MAP4K4: variants seen among roughly 807,000 people sequenced by gnomAD.
MAP4K4 encodes HPK/GCK-like kinase HGK.
In MAP4K4, 38 loss-of-function variants were observed where a neutral mutation model predicts 189.6. The observed-to-expected ratio is 0.20, with a 90% CI of 0.15 to 0.26. The LOEUF is 0.26. MAP4K4 is among the 10% of genes least tolerant of loss of function. The pLI, the probability that MAP4K4 is intolerant of heterozygous loss-of-function variation, is 1.00. For synonymous variants in MAP4K4, 610 were observed against 624.3 expected (o/e 0.98, Z 0.34); for missense variants, 1,054 against 1,726.9 (o/e 0.61, Z 6.91).
intron 2 of MAP4K4, among the ~76,000 whole-genome samples, chr2:101,699,276 A>G (rs1279542091): frequency 1.3e-5 from 2 of 152,076 alleles, no homozygotes; most frequent in African/African-American, 4.8e-5. Flanking sequence ...CCCACCCTCC[A>G]CCCCAGCGAT....
intron 6 of MAP4K4, chr2:101,829,861 C>A: frequency 3.2e-6 from 1 of 315,076 alleles, no homozygotes; most frequent in South Asian, 5.2e-5. Context: ...CTTAAAGAAC[C>A]TTAATGGCTT....
At chr2:101,836,048 C>A (rs2149480758) in intron 9 of MAP4K4, 70 bp downstream of exon 9, 3 of 1,184,814 alleles carry the variant, frequency 2.5e-6, no homozygotes, top group Non-Finnish European at 3.7e-6. Context: ...GTTATACTTT[C>A]CTCTGAGATA....
At chr2:101,721,024 T>C (rs1353320080) in intron 2 of MAP4K4, among the ~76,000 whole-genome samples, 1 of 152,216 alleles carries the variant, frequency 6.6e-6, no homozygotes, top group East Asian at 1.9e-4. Flanking sequence ...CATTTAGCGC[T>C]ACTCATAGGA....
At chr2:101,876,164 T>G (rs1474478368) in intron 26 of MAP4K4, among the ~76,000 whole-genome samples, 1 of 152,164 alleles carries the variant, frequency 6.6e-6, no homozygotes, top group African/African-American at 2.4e-5. Context: ...GAGGCTAGTT[T>G]CAGTAGAGAT....
intron 28 of MAP4K4, among the ~76,000 whole-genome samples, chr2:101,884,065 C>G (rs1208890010): frequency 6.6e-6 from 1 of 152,126 alleles, no homozygotes; most frequent in African/African-American, 2.4e-5. Context: ...GGTTAAAAGT[C>G]TGTTGGGCTT....
intron 2 of MAP4K4, among the ~76,000 whole-genome samples, chr2:101,773,744 C>A (rs979412651): frequency 1.3e-5 from 2 of 152,164 alleles, no homozygotes; most frequent in Non-Finnish European, 2.9e-5. Context: ...ACCACACTTA[C>A]CTTCCCAGCC....
At chr2:101,737,491 G>A (rs1424345044) in intron 2 of MAP4K4, among the ~76,000 whole-genome samples, 84 of 51,026 alleles carry the variant, frequency 1.6e-3, no homozygotes, top group African/African-American at 6.2e-3. Flanking sequence ...TTTTTTTGCT[G>A]TTAGTCATTG....
At chr2:101,718,444 G>A (rs2149402156) in intron 2 of MAP4K4, among the ~76,000 whole-genome samples, 1 of 138,564 alleles carries the variant, frequency 7.2e-6, no homozygotes, top group South Asian at 2.4e-4. Flanking sequence ...TCTAAGTTTA[G>A]CTCTTAACCT....
At chr2:101,873,487 G>A (rs1021084581) in intron 24 of MAP4K4, among the ~76,000 whole-genome samples, 160 bp from the exon 25 acceptor site, 1 of 152,174 alleles carries the variant, frequency 6.6e-6, no homozygotes, top group African/African-American at 2.4e-5. Flanking sequence ...GCTATGCCAC[G>A]TGGAAGCTCC....
intron 3 of MAP4K4, among the ~76,000 whole-genome samples, chr2:101,814,555 T>C (rs764350407): frequency 1.3e-5 from 2 of 152,184 alleles, no homozygotes; most frequent in Non-Finnish European, 2.9e-5. Context: ...AGAGAATTAT[T>C]TGAAAGTAAC....
intron 3 of MAP4K4, among the ~76,000 whole-genome samples, chr2:101,821,307 C>T (rs1461564649): frequency 1.3e-5 from 2 of 152,108 alleles, no homozygotes; most frequent in African/African-American, 4.8e-5. Context: ...ATCACTTAAC[C>T]ATGAGGATAC....
intron 12 of MAP4K4, among the ~76,000 whole-genome samples, chr2:101,851,854 G>A (rs1463071831): frequency 1.4e-5 from 2 of 142,700 alleles, no homozygotes; most frequent in South Asian, 2.3e-4. Context: ...TGTCTTCTAC[G>A]TTTTTTTAAA....
intron 2 of MAP4K4, among the ~76,000 whole-genome samples, chr2:101,788,220 G>A (rs2092050305): frequency 6.6e-6 from 1 of 151,906 alleles, no homozygotes; most frequent in South Asian, 2.1e-4. Flanking sequence ...TGAGACAATT[G>A]CAGTCTACAA....
At chr2:101,710,770 T>C (rs887958779) in intron 2 of MAP4K4, among the ~76,000 whole-genome samples, 2 of 152,192 alleles carry the variant, frequency 1.3e-5, no homozygotes, top group Non-Finnish European at 2.9e-5. Context: ...AGATGAGGCA[T>C]AGATATATGT....
intron 1 of MAP4K4, 150 bp downstream of exon 1, chr2:101,698,287 G>A: frequency 1.8e-6 from 1 of 546,788 alleles, no homozygotes; most frequent in Non-Finnish European, 2.9e-6. Flanking sequence ...GGGCTGGTGC[G>A]GGGCGGGCGC....
rs922500022 is a variant in MAP4K4 at position 101,698,683 on chromosome 2, C to T, written c.123+145C>T. Reference sequence around the variant, plus strand: ...AGGGGTTTCTTTCGCCTTGCAGTCCCTCTGTTTTTGCACACCGAGTTTATA... The same window carrying T: ...AGGGGTTTCTTTCGCCTTGCAGTCCTTCTGTTTTTGCACACCGAGTTTATA... On this transcript the variant is annotated intron_variant, in intron 2 of 32. Coordinates refer to ENST00000324219, the Ensembl canonical transcript of MAP4K4. 10 of 732,396 alleles carry T rather than the reference C, an allele frequency of 1.4e-5. No homozygotes were observed. In the Admixed American group the frequency reaches 1.8e-4, roughly 13 times the overall value. 45.4% of individuals were successfully genotyped at this position (732,396 alleles called of 1,614,324 possible). A position where few individuals can be genotyped will look rare whatever the true frequency, so the allele number is the denominator to read the frequency against.
chr2:101,795,192 A>G (rs951354352), intron 3 of MAP4K4, among the ~76,000 whole-genome samples: 2 of 152,150 alleles, frequency 1.3e-5, no homozygotes, highest in African/African-American at 2.4e-5. Flanking sequence ...TTCCTAAGTA[A>G]TCTATCTCCA....
intron 27 of MAP4K4, among the ~76,000 whole-genome samples, chr2:101,879,064 G>A (rs951539384): frequency 4.6e-5 from 7 of 151,744 alleles, no homozygotes; most frequent in Admixed American, 2.6e-4. Flanking sequence ...GTGCGGTGGC[G>A]TATGCCTGTA....
At chr2:101,774,524 T>C (rs1189571335) in intron 2 of MAP4K4, among the ~76,000 whole-genome samples, 1 of 152,238 alleles carries the variant, frequency 6.6e-6, no homozygotes, top group East Asian at 1.9e-4. Context: ...CTCTTCACTT[T>C]GTTGATTGTT....
Sources: gnomAD v4.1 joint callset for allele counts (sites outside exome capture counted in the v4.1 genomes callset) on GRCh38, gnomAD v4.1.1 for gene constraint, MANE v1.5 for transcripts, NCBI Gene and HGNC (gene_info 2026-07-23, HGNC 2026-07-21) for gene names.